Variants in CDC25A observed in about 807,000 individuals in gnomAD.
The protein encoded by CDC25A is M-phase inducer phosphatase 1.
In CDC25A, 17 loss-of-function variants were observed where a neutral mutation model predicts 64.6. The ratio of observed to expected loss-of-function variants is 0.26; its 90% CI spans 0.18 to 0.39. CDC25A has a LOEUF of 0.39. CDC25A is among the 10% of genes least tolerant of loss of function. CDC25A has a pLI of 1.00. For synonymous variants in CDC25A, 229 were observed against 238.6 expected, an observed-to-expected ratio of 0.96 and a Z score of 0.37; for missense variants, 473 against 654.8, an observed-to-expected ratio of 0.72 and a Z score of 3.03.
At position 48,158,772 on chromosome 3, in the gene CDC25A, G is replaced by A. The variant is rs2031627765; in HGVS notation, c.*173C>T. ...GGGACAGAAGAGGCGTAGCCAGCAA[G>A]ATGCCCTGGGCTCCAACCTTGGGAG... On this transcript the variant is annotated 3_prime_UTR_variant, in exon 15 of 15. Transcript: ENST00000302506. 1 of 725,922 alleles carries A rather than the reference G, an allele frequency of 1.4e-6. No individual in the cohort carries two copies. The highest frequency in any genetic ancestry group is 1.8e-5 in the South Asian group (1 of 55,914). The allele number at this position is 725,922 out of a possible 1,614,324, so 45.0% of individuals were successfully genotyped here.
intron 12 of CDC25A, 30 bp from the exon 13 acceptor site, chr3:48,164,467 T>C: frequency 1.4e-6 from 2 of 1,475,386 alleles, no homozygotes; most frequent in Non-Finnish European, 1.8e-6. Context: ...CCTTGGAACC[T>C]GCACGTTTCA....
At chr3:48,172,893 A>G (rs986553197) in intron 9 of CDC25A, among the ~76,000 whole-genome samples, 1 of 151,790 alleles carries the variant, frequency 6.6e-6, no homozygotes, top group Non-Finnish European at 1.5e-5. Context: ...AGCCTATACA[A>G]CTATGAGCAA....
At chr3:48,175,063 C>T (rs2032406216) in intron 8 of CDC25A, among the ~76,000 whole-genome samples, 1 of 152,150 alleles carries the variant, frequency 6.6e-6, no homozygotes. Context: ...GTAATCCCAA[C>T]ACTGTGGGAT....
rs1230259689 is a variant in CDC25A at position 48,177,930 on chromosome 3, G to T, written c.608C>A (p.Pro203His). The T allele has an allele frequency of 6.2e-7, 1 of 1,613,194 alleles. No homozygotes were observed. The highest frequency in any genetic ancestry group is 1.3e-5 in the African/African-American group (1 of 74,740). ...EPGNFIPLFT[P>H]QSPVTATLSD... ...CAAAGTGGCTGTCACAGGTGACTGG[G>T]GTGTAAAAAGAGGAATGAAATTCCC... The change falls in exon 7 of 15, where the codon CCC (proline) becomes CAC (histidine). Residue 203 changes from proline (P) to histidine (H), a missense_variant. By Grantham distance (77) the Pro-to-His change is moderately conservative (BLOSUM62 -2). This residue lies in a region of CDC25A where 376 missense variants were observed against 431.9 expected (regional missense o/e 0.87). Coordinates refer to ENST00000302506, the MANE Select transcript of CDC25A (RefSeq NM_001789.3).
chr3:48,173,706 G>A (rs772626745), intron 9 of CDC25A, among the ~76,000 whole-genome samples: 31 of 152,200 alleles, frequency 2.0e-4, no homozygotes, highest in Non-Finnish European at 3.1e-4. Context: ...TTTGTGCTGG[G>A]GAACCCGGAC....
At chr3:48,165,501 CCA>C in intron 12 of CDC25A, 133 bp downstream of exon 12, 1 of 634,966 alleles carries the variant, frequency 1.6e-6, no homozygotes, top group Non-Finnish European at 2.8e-6. Flanking sequence ...CAAATGCCTT[CCA>C]CACTCACTGT....
chr3:48,167,745 G>A (rs1575262464), intron 10 of CDC25A, 101 bp downstream of exon 10: 2 of 701,280 alleles, frequency 2.9e-6, no homozygotes, highest in East Asian at 2.5e-5. Context: ...TCCTTTTGGA[G>A]GTATGCCAGG....
chr3:48,177,990 T>C lies in CDC25A; in HGVS notation c.550-2A>G. On this transcript the variant is annotated splice_acceptor_variant, in intron 6 of 14. Coordinates refer to ENST00000302506, the MANE Select transcript of CDC25A (RefSeq NM_001789.3). LOFTEE classifies it high-confidence loss of function. The stretch of plus-strand genomic sequence containing the variant: ...GCTATCTCTTTCATTTGAGGAAAGC[T>C]GTAAGACAAAATTCATGGATTAATA... 6.2e-7 allele frequency: 1 copy of C among 1,604,988 alleles called. No homozygotes were observed. The highest frequency in any genetic ancestry group is 8.5e-7 in the Non-Finnish European group (1 of 1,175,424).
intron 12 of CDC25A, among the ~76,000 whole-genome samples, chr3:48,165,278 A>C (rs1053234881): frequency 6.6e-6 from 1 of 152,026 alleles, no homozygotes; most frequent in Non-Finnish European, 1.5e-5. Flanking sequence ...TCTTCTCCTC[A>C]TCAGGAGCCC....
Position 48,183,039 on chromosome 3 carries a change from GT to G in CDC25A, c.328-10del. The G allele has an allele frequency of 6.3e-7, 1 of 1,581,772 alleles. No homozygotes were observed. The highest frequency in any genetic ancestry group is 8.7e-7 in the Non-Finnish European group (1 of 1,151,996). On this transcript the variant is annotated splice_polypyrimidine_tract_variant and intron_variant, in intron 4 of 14. Transcript: ENST00000302506. ...CATCCCAACAGCTTCTGCTATCAAAGTAAAAAAGGAAAATAATTAAGGCACA... is the reference window on the plus strand; with the variant it reads ...CATCCCAACAGCTTCTGCTATCAAAGAAAAAAGGAAAATAATTAAGGCACA...
intron 11 of CDC25A, 33 bp from the exon 12 acceptor site, chr3:48,165,767 G>T: frequency 6.3e-7 from 1 of 1,594,386 alleles, no homozygotes; most frequent in Non-Finnish European, 8.6e-7. Context: ...AATCAACTTT[G>T]ACCGTCAGGG....
Position 48,188,195 on chromosome 3 carries a change from G to A in CDC25A, c.-248C>T, listed in dbSNP as rs1027505451. 3.0e-5 allele frequency: 10 copies of A among 332,618 alleles called. No individual in the cohort carries two copies. The highest frequency in any genetic ancestry group is 2.2e-5 in the African/African-American group (1 of 46,148). 20.6% of individuals were successfully genotyped at this position (332,618 alleles called of 1,614,324 possible). A position where few individuals can be genotyped will look rare whatever the true frequency, so the allele number is the denominator to read the frequency against. On this transcript the variant is annotated 5_prime_UTR_variant, in exon 1 of 15. Transcript: ENST00000302506. ...TTCCCTCTCACACCGCGAGGCCAGCGGGCGGGCGGGCGCCGGCAACCTGAA... is the reference window on the plus strand; with the variant it reads ...TTCCCTCTCACACCGCGAGGCCAGCAGGCGGGCGGGCGCCGGCAACCTGAA...
At position 48,186,777 on chromosome 3, in the gene CDC25A, T is replaced by C; in HGVS notation, c.173A>G (p.Asp58Gly). 6.3e-7 allele frequency: 1 copy of C among 1,584,138 alleles called. No individual in the cohort carries two copies. The highest frequency in any genetic ancestry group is 8.6e-7 in the Non-Finnish European group (1 of 1,157,652). ...TMDQLQGLGS[D>G]YEQPLEVKNN... ...CTTCACCTCCAGTGGTTGCTCATAA[T>C]CACTGAAACCAACAGAAATAAACCA... The change falls in exon 2 of 15, where the codon GAT (aspartate) becomes GGT (glycine). Residue 58 changes from aspartate to glycine, a missense_variant and splice_region_variant. Around this residue, in one of 2 missense-constraint regions of CDC25A, gnomAD observed 376 missense variants for 431.9 expected, o/e 0.87. Transcript: ENST00000302506.
intron 8 of CDC25A, chr3:48,174,744 G>T (rs892744553): frequency 2.2e-5 from 5 of 226,748 alleles, no homozygotes; most frequent in Non-Finnish European, 4.3e-5. Flanking sequence ...GTCAAGAGAA[G>T]TGTGACCTTC....
At chr3:48,174,641 A>G (rs1333973147) in intron 8 of CDC25A, 184 bp from the exon 9 acceptor site, 11 of 558,712 alleles carry the variant, frequency 2.0e-5, no homozygotes, top group Non-Finnish European at 3.5e-5. Flanking sequence ...GGCACTGAGC[A>G]CTTAGTGCTC....
intron 13 of CDC25A, among the ~76,000 whole-genome samples, chr3:48,161,971 G>A (rs1297243206): frequency 6.6e-6 from 1 of 152,150 alleles, no homozygotes; most frequent in African/African-American, 2.4e-5. Context: ...TGAGGCAGGA[G>A]AATTGCTTGA....
At chr3:48,181,091 T>C (rs1478127511) in intron 5 of CDC25A, among the ~76,000 whole-genome samples, 2 of 152,128 alleles carry the variant, frequency 1.3e-5, no homozygotes, top group East Asian at 1.9e-4. Context: ...CAAAACACGA[T>C]GAATAAGCTA....
chr3:48,174,284 C>T lies in CDC25A; in HGVS notation c.930G>A (p.Glu310=), dbSNP rs1225004055. ...KESTNPEKAH[E]TLHQSLSLAS... Reference sequence around the variant, plus strand: ...GCAAAAAGGAACCTAGGAAACTAACCTCATGGGCCTTCTCTGGATTAGTTG... The same window carrying T: ...GCAAAAAGGAACCTAGGAAACTAACTTCATGGGCCTTCTCTGGATTAGTTG... Residue 310 remains glutamate (E), a splice_region_variant and synonymous_variant, in exon 9 of 15, where the codon GAG becomes GAA. Coordinates refer to ENST00000302506, the MANE Select transcript of CDC25A (RefSeq NM_001789.3). 1.9e-6 allele frequency: 3 copies of T among 1,609,550 alleles called. No homozygotes were observed. Among genetic ancestry groups the T allele is most frequent in the East Asian group, 2.2e-5 (1 of 44,892 alleles).
At position 48,177,756 on chromosome 3, in the gene CDC25A, G is replaced by A. The variant is rs9816850; in HGVS notation, c.684+98C>T. On this transcript the variant is annotated intron_variant, in intron 7 of 14. Coordinates refer to ENST00000302506, the MANE Select transcript of CDC25A (RefSeq NM_001789.3). ...CAAAAATATCAGCTAAGCAAGCCCCGGGGAACTGCTGTTGCTGTTCTTTTT... is the reference window on the plus strand; with the variant it reads ...CAAAAATATCAGCTAAGCAAGCCCCAGGGAACTGCTGTTGCTGTTCTTTTT... The A allele has an allele frequency of 6.1e-4, 830 of 1,368,752 alleles. 3 individuals carry two copies. The African/African-American group carries it at 8.9e-3, about 15-fold the overall frequency. 84.8% of individuals were successfully genotyped at this position (1,368,752 alleles called of 1,614,324 possible). A position where few individuals can be genotyped will look rare whatever the true frequency, so the allele number is the denominator to read the frequency against.
Sources: allele counts gnomAD v4.1 joint callset (sites outside exome capture counted in the v4.1 genomes callset), GRCh38; gene constraint gnomAD v4.1.1; regional missense constraint gnomAD v4.1.1; transcripts MANE v1.5; gene names NCBI Gene and HGNC (gene_info 2026-07-23, HGNC 2026-07-21).